Variants in FHOD3 observed in about 807,000 individuals in gnomAD.
FHOD3 encodes formin homology 2 domain containing 3, also known as FH1/FH2 domain-containing protein 3.
A neutral mutation model predicts 173.0 loss-of-function variants in FHOD3; 90 were observed. The observed-to-expected ratio is 0.52, with a 90% CI of 0.44 to 0.62. The LOEUF is 0.62. FHOD3 is among the 20% of genes least tolerant of loss of function. The probability of loss-of-function intolerance (pLI) is 0.00; values close to 1 mark genes in which losing one functional copy is unlikely to be tolerated. For synonymous variants in FHOD3, 828 were observed against 823.0 expected (o/e 1.01, Z -0.10); for missense variants, 1,945 against 2,034.7 (o/e 0.96, Z 0.85).
intron 5 of FHOD3, among the ~76,000 whole-genome samples, chr18:36,551,658 T>G (rs1193863374): frequency 1.3e-5 from 2 of 152,194 alleles, no homozygotes; most frequent in Non-Finnish European, 2.9e-5. Flanking sequence ...TAATCCACCT[T>G]GAATGAATTT....
chr18:36,390,698 G>A (rs76254688), intron 3 of FHOD3, among the ~76,000 whole-genome samples: 1,993 of 152,306 alleles, frequency 0.013, 32 homozygotes, highest in African/African-American at 0.045. Context: ...TATATTTGAA[G>A]CAAACTTGCT....
chr18:36,500,005 C>T lies in FHOD3; in HGVS notation c.338-1927C>T, dbSNP rs558787123. Among the ~76,000 whole-genome samples the T allele has an allele frequency of 5.3e-5, 8 of 152,272 alleles. No homozygotes were observed. The East Asian group carries it at 1.3e-3, about 26-fold the overall frequency. ...GTATCTTGCCCCTGCCACTTAGCAGCAATATGTATTAAGTTGTGAGTTTGG... is the reference window on the plus strand; with the variant it reads ...GTATCTTGCCCCTGCCACTTAGCAGTAATATGTATTAAGTTGTGAGTTTGG... On this transcript the variant is annotated intron_variant, in intron 3 of 28. Transcript: ENST00000590592.
chr18:36,387,825 C>G (rs1242309691), intron 3 of FHOD3, among the ~76,000 whole-genome samples: 1 of 152,088 alleles, frequency 6.6e-6, no homozygotes, highest in Admixed American at 6.5e-5. Context: ...GTCATTGCCC[C>G]TTGCTTTGCC....
chr18:36,759,272 G>A, intron 26 of FHOD3, 131 bp downstream of exon 26: 1 of 1,060,176 alleles, frequency 9.4e-7, no homozygotes. Context: ...CATTTTTCTG[G>A]TTGGTTTTCG....
intron 3 of FHOD3, among the ~76,000 whole-genome samples, chr18:36,422,547 A>T (rs756290776): frequency 2.0e-5 from 3 of 152,132 alleles, no homozygotes; most frequent in East Asian, 3.9e-4. Flanking sequence ...TGCAATTTTG[A>T]TAGATGATAT....
chr18:36,629,560 A>G (rs968241826), intron 10 of FHOD3, among the ~76,000 whole-genome samples: 2 of 152,202 alleles, frequency 1.3e-5, no homozygotes, highest in Admixed American at 6.5e-5. Context: ...CATATGAGAG[A>G]AGAATCCACT....
intron 3 of FHOD3, among the ~76,000 whole-genome samples, chr18:36,453,253 C>G (rs1444031641): frequency 6.6e-6 from 1 of 152,178 alleles, no homozygotes; most frequent in African/African-American, 2.4e-5. Context: ...CTTAATGCAT[C>G]TCTGGGTATA....
chr18:36,597,760 C>T (rs1170273795), intron 7 of FHOD3, among the ~76,000 whole-genome samples: 1 of 151,728 alleles, frequency 6.6e-6, no homozygotes, highest in Non-Finnish European at 1.5e-5. Flanking sequence ...ATTTCTTAAA[C>T]CTTTGGCAAC....
chr18:36,602,842 T>G, intron 8 of FHOD3, 74 bp downstream of exon 8: 1 of 1,128,516 alleles, frequency 8.9e-7, no homozygotes, highest in Non-Finnish European at 1.3e-6. Context: ...CTGGTATCTG[T>G]GCTTGTGGGC....
At chr18:36,474,887 T>C (rs760898300) in intron 3 of FHOD3, among the ~76,000 whole-genome samples, 1 of 152,030 alleles carries the variant, frequency 6.6e-6, no homozygotes, top group African/African-American at 2.4e-5. Context: ...GGTTTCCCTT[T>C]AAGCTGAAGT....
At chr18:36,751,756 T>C (rs1485542095) in intron 24 of FHOD3, among the ~76,000 whole-genome samples, 1 of 152,228 alleles carries the variant, frequency 6.6e-6, no homozygotes, top group Non-Finnish European at 1.5e-5. Flanking sequence ...TCTTTAATTC[T>C]TAAACGTGCA....
At chr18:36,320,311 G>T (rs996388585) in intron 1 of FHOD3, among the ~76,000 whole-genome samples, 1 of 152,064 alleles carries the variant, frequency 6.6e-6, no homozygotes, top group Non-Finnish European at 1.5e-5. Context: ...TATCACCACC[G>T]ATCCCACAGA....
chr18:36,541,961 A>C (rs184996144), intron 5 of FHOD3, among the ~76,000 whole-genome samples: 1 of 152,270 alleles, frequency 6.6e-6, no homozygotes, highest in Admixed American at 6.5e-5. Context: ...CCCCAGGGAG[A>C]GGTAGATTTG....
chr18:36,706,841 A>C (rs943337514), intron 17 of FHOD3, among the ~76,000 whole-genome samples: 1 of 152,038 alleles, frequency 6.6e-6, no homozygotes, highest in Non-Finnish European at 1.5e-5. Flanking sequence ...TTGGAAACAC[A>C]TTTTTGTTTT....
chr18:36,694,195 T>A (rs2039127270), intron 17 of FHOD3, among the ~76,000 whole-genome samples: 1 of 152,242 alleles, frequency 6.6e-6, no homozygotes, highest in Non-Finnish European at 1.5e-5. Flanking sequence ...AGTCAAGTGT[T>A]ATGGCTTACA....
chr18:36,483,730 A>G (rs1462605738), intron 3 of FHOD3, among the ~76,000 whole-genome samples: 14 of 152,254 alleles, frequency 9.2e-5, no homozygotes, highest in Non-Finnish European at 2.1e-4. Context: ...GGCCAATGAC[A>G]TATCTTGAAT....
intron 14 of FHOD3, among the ~76,000 whole-genome samples, chr18:36,677,077 A>G (rs796109375): frequency 3.9e-5 from 6 of 152,030 alleles, no homozygotes; most frequent in African/African-American, 1.4e-4. Flanking sequence ...TGAGATCTCA[A>G]TGTTGTAAAG....
intron 1 of FHOD3, among the ~76,000 whole-genome samples, chr18:36,340,874 T>C (rs1448247277): frequency 6.6e-6 from 1 of 152,092 alleles, no homozygotes; most frequent in East Asian, 1.9e-4. Context: ...CCTGGCCTCA[T>C]GATCCGTCTG....
chr18:36,710,024 A>T (rs1024016005), intron 18 of FHOD3: 2 of 152,208 alleles, frequency 1.3e-5, no homozygotes, highest in African/African-American at 2.4e-5. Context: ...TTCCTTATGG[A>T]AGTATATCTT....
Sources: gnomAD v4.1 joint callset for allele counts (sites outside exome capture counted in the v4.1 genomes callset) on GRCh38, gnomAD v4.1.1 for gene constraint, MANE v1.5 for transcripts, NCBI Gene and HGNC (gene_info 2026-07-23, HGNC 2026-07-21) for gene names.